BACH2: variants seen among roughly 807,000 people sequenced by gnomAD.
The protein encoded by BACH2 is transcription regulator protein BACH2.
BACH2 carries 5 observed loss-of-function variants against 61.8 expected under a neutral mutation model. That is an observed-to-expected ratio of 0.08 (90% CI 0.04 to 0.17). BACH2 has a LOEUF of 0.17. Ranked by LOEUF, BACH2 falls within the 10% of genes least tolerant of loss-of-function variation. The pLI, the probability that BACH2 is intolerant of heterozygous loss-of-function variation, is 1.00. For synonymous variants in BACH2, 446 were observed against 440.1 expected (o/e 1.01, Z -0.17); for missense variants, 824 against 1,091.1 (o/e 0.76, Z 3.45).
intron 4 of BACH2, among the ~76,000 whole-genome samples, chr6:90,200,276 A>G (rs1455499527): frequency 6.6e-6 from 1 of 152,210 alleles, no homozygotes; most frequent in African/African-American, 2.4e-5. Context: ...CCTAAACCAT[A>G]GTTTGGGAAC....
At chr6:90,124,051 C>T (rs1281146578) in intron 4 of BACH2, among the ~76,000 whole-genome samples, 1 of 152,118 alleles carries the variant, frequency 6.6e-6, no homozygotes, top group Non-Finnish European at 1.5e-5. Flanking sequence ...TTAAGGGTGG[C>T]TGAGTCAGAA....
At chr6:89,980,903 T>G (rs925752899) in intron 6 of BACH2, among the ~76,000 whole-genome samples, 2 of 40,598 alleles carry the variant, frequency 4.9e-5, no homozygotes, top group African/African-American at 1.9e-4. Context: ...TAATTTTCAG[T>G]TTTTTTTTTT....
chr6:90,223,590 TC>T (rs1769813673), intron 3 of BACH2, among the ~76,000 whole-genome samples: 1 of 151,926 alleles, frequency 6.6e-6, no homozygotes, highest in South Asian at 2.1e-4. Flanking sequence ...CACCTCAGCC[TC>T]CCAAGTAGCT....
chr6:90,277,564 A>G (rs1350731000), intron 1 of BACH2, among the ~76,000 whole-genome samples: 1 of 152,246 alleles, frequency 6.6e-6, no homozygotes, highest in Admixed American at 6.5e-5. Flanking sequence ...TGGTTACAAC[A>G]GCGTGTTCAC....
At chr6:90,025,670 A>G (rs756328252) in intron 5 of BACH2, among the ~76,000 whole-genome samples, 3 of 152,230 alleles carry the variant, frequency 2.0e-5, no homozygotes, top group Admixed American at 2.0e-4. Context: ...GAAATTGTGA[A>G]CAGTGATTAG....
intron 2 of BACH2, among the ~76,000 whole-genome samples, chr6:90,270,602 T>C (rs1246210878): frequency 1.3e-5 from 2 of 152,168 alleles, no homozygotes; most frequent in African/African-American, 4.8e-5. Flanking sequence ...GGAAACATAT[T>C]TCATGCTCAT....
rs368461401 is a variant in BACH2, at chr6:90,063,537, T to A, written c.-13+25424A>T. ...AAAAGGTGCACACTGATAATAAGAC[T>A]TAGAGGTGACTTACAGGTTTTGATA... On this transcript the variant is annotated intron_variant, in intron 5 of 8. Transcript: ENST00000257749. Among the ~76,000 whole-genome samples, 5 of 152,312 alleles carry A rather than the reference T, an allele frequency of 3.3e-5. No homozygotes were observed. The East Asian group carries it at 5.8e-4, about 18-fold the overall frequency.
intron 4 of BACH2, among the ~76,000 whole-genome samples, chr6:90,163,283 A>T (rs995317366): frequency 2.0e-5 from 3 of 151,410 alleles, no homozygotes; most frequent in South Asian, 2.2e-4. Context: ...GCGTTTTTTT[A>T]CTTCTCCTCT....
intron 1 of BACH2, among the ~76,000 whole-genome samples, chr6:90,278,303 T>G (rs938173830): frequency 3.3e-5 from 5 of 152,212 alleles, no homozygotes; most frequent in Non-Finnish European, 7.4e-5. Context: ...TACCTGGCCA[T>G]GCCCCCTTTC....
chr6:89,948,472 T>C (rs1255665098), intron 7 of BACH2, among the ~76,000 whole-genome samples: 2 of 152,106 alleles, frequency 1.3e-5, no homozygotes, highest in African/African-American at 4.8e-5. Flanking sequence ...CCTCCCAAAA[T>C]GCTAGGATTA....
At chr6:90,294,531 T>C (rs527943847) in intron 1 of BACH2, among the ~76,000 whole-genome samples, 44 of 152,336 alleles carry the variant, frequency 2.9e-4, no homozygotes, top group African/African-American at 1.1e-3. Flanking sequence ...ACTGAATTTA[T>C]AATGGAAATG....
At chr6:90,069,759 C>A (rs1398634425) in intron 5 of BACH2, among the ~76,000 whole-genome samples, 2 of 151,592 alleles carry the variant, frequency 1.3e-5, no homozygotes, top group African/African-American at 2.4e-5. Flanking sequence ...GACAAGAAGG[C>A]GATTAGGGAA....
At chr6:90,153,182 T>C (rs966764519) in intron 4 of BACH2, among the ~76,000 whole-genome samples, 12 of 152,188 alleles carry the variant, frequency 7.9e-5, no homozygotes, top group African/African-American at 2.9e-4. Flanking sequence ...ATTAAGGTTA[T>C]ATCTAAAAAT....
chr6:90,265,317 A>G (rs1582547883), intron 2 of BACH2, among the ~76,000 whole-genome samples: 1 of 136,668 alleles, frequency 7.3e-6, no homozygotes, highest in African/African-American at 2.5e-5. Context: ...GCACCCAAAG[A>G]GTGCTCAAAA....
intron 4 of BACH2, among the ~76,000 whole-genome samples, chr6:90,203,621 T>C (rs1017659022): frequency 3.3e-5 from 5 of 152,114 alleles, no homozygotes; most frequent in Admixed American, 6.5e-5. Context: ...TTTACAACCA[T>C]TAATGCCTGT....
intron 3 of BACH2, among the ~76,000 whole-genome samples, chr6:90,250,532 G>T (rs886885972): frequency 3.9e-5 from 6 of 152,138 alleles, no homozygotes; most frequent in African/African-American, 9.7e-5. Context: ...GATATTGATT[G>T]AGCCCTGTTA....
Position 90,207,001 on chromosome 6 carries a change from C to A in BACH2, c.-274-320G>T, listed in dbSNP as rs934964941. 2.0e-5 allele frequency among the ~76,000 whole-genome samples: 3 copies of A among 152,150 alleles called. No homozygotes were observed. In the East Asian group the frequency reaches 5.8e-4, roughly 29 times the overall value. ...TCCCCCCAAACAGTCCAATTCCCCC[C>A]ACCATGTTTTCATTCATGCTATTTA... is the stretch of plus-strand genomic sequence containing the variant. On this transcript the variant is annotated intron_variant, in intron 3 of 8. Transcript: ENST00000257749.
chr6:89,947,217 G>A (rs2128355877), intron 7 of BACH2, among the ~76,000 whole-genome samples: 1 of 152,346 alleles, frequency 6.6e-6, no homozygotes, highest in South Asian at 2.1e-4. Flanking sequence ...CCCAATAGAT[G>A]CTGGCTTCTT....
intron 6 of BACH2, among the ~76,000 whole-genome samples, chr6:89,992,334 A>G (rs1044731606): frequency 6.6e-6 from 1 of 152,238 alleles, no homozygotes; most frequent in Non-Finnish European, 1.5e-5. Flanking sequence ...GCTTAAAAAT[A>G]TATCTCAGAA....
Sources: gnomAD v4.1 joint callset for allele counts (sites outside exome capture counted in the v4.1 genomes callset) on GRCh38, gnomAD v4.1.1 for gene constraint, MANE v1.5 for transcripts, NCBI Gene and HGNC (gene_info 2026-07-23, HGNC 2026-07-21) for gene names.